Variants in WDR35 observed in about 807,000 individuals in gnomAD.
The protein encoded by WDR35 is WD repeat domain 35, also known as WD repeat-containing protein 35.
A neutral mutation model predicts 158.3 loss-of-function variants in WDR35; 118 were observed. The ratio of observed to expected loss-of-function variants is 0.75; its 90% CI spans 0.64 to 0.87. The LOEUF (loss-of-function observed/expected upper bound fraction) is 0.87, where lower values mean the gene tolerates loss of function less well. Among genes scored for constraint, WDR35 ranks in the 40% least tolerant of loss-of-function variants. The probability of loss-of-function intolerance (pLI) is 0.00; values close to 1 mark genes in which losing one functional copy is unlikely to be tolerated. For missense variants in WDR35, 1,263 were observed against 1,405.8 expected (o/e 0.90, Z 1.62); for synonymous variants, 448 against 476.1 (o/e 0.94, Z 0.77).
intron 22 of WDR35, 131 bp downstream of exon 22, chr2:19,933,270 A>T (rs978845491): frequency 1.3e-6 from 1 of 767,112 alleles, no homozygotes. Flanking sequence ...CTTTCATAAA[A>T]TTCACGTCAG....
intron 3 of WDR35, among the ~76,000 whole-genome samples, chr2:19,982,056 G>A (rs913454233): frequency 2.6e-5 from 4 of 152,104 alleles, no homozygotes; most frequent in Non-Finnish European, 4.4e-5. Flanking sequence ...ATGACTTTTC[G>A]GTGATGGGAA....
At chr2:19,975,497 G>C (rs1183773115) in intron 6 of WDR35, 33 bp downstream of exon 6, 1 of 1,596,002 alleles carries the variant, frequency 6.3e-7, no homozygotes, top group Non-Finnish European at 8.6e-7. Flanking sequence ...ATATAAAATT[G>C]TATAAACAAG....
chr2:19,940,172 G>C (rs1346833278), intron 17 of WDR35, among the ~76,000 whole-genome samples: 2 of 140,742 alleles, frequency 1.4e-5, no homozygotes, highest in African/African-American at 5.5e-5. Flanking sequence ...TGACCAACAT[G>C]GCAAACCCCA....
intron 11 of WDR35, among the ~76,000 whole-genome samples, chr2:19,958,755 T>A (rs1052751867): frequency 1.3e-5 from 2 of 152,242 alleles, no homozygotes; most frequent in East Asian, 3.9e-4. Flanking sequence ...GTAACCACAG[T>A]GCAGGTTAAG....
chr2:19,955,430 T>C (rs1184679082), intron 11 of WDR35, among the ~76,000 whole-genome samples: 2 of 152,246 alleles, frequency 1.3e-5, no homozygotes, highest in Admixed American at 6.5e-5. Context: ...GAGCTCCTAC[T>C]GTATATGCTT....
chr2:19,931,444 C>A, intron 23 of WDR35, 35 bp from the exon 24 acceptor site: 1 of 1,608,850 alleles, frequency 6.2e-7, no homozygotes, highest in Non-Finnish European at 8.5e-7. Context: ...GAAGTTACTT[C>A]TTATCTATAT....
chr2:19,923,197 G>A (rs1360240254), intron 25 of WDR35, among the ~76,000 whole-genome samples: 3 of 152,230 alleles, frequency 2.0e-5, no homozygotes, highest in Admixed American at 2.0e-4. Context: ...ATTTCTGTGT[G>A]TGTGTTTTTA....
intron 17 of WDR35, among the ~76,000 whole-genome samples, chr2:19,939,189 A>G (rs980606215): frequency 2.6e-5 from 4 of 152,216 alleles, no homozygotes; most frequent in African/African-American, 9.6e-5. Context: ...TTACGTAAGG[A>G]GAAAATGTAG....
intron 8 of WDR35, among the ~76,000 whole-genome samples, chr2:19,972,558 CT>C (rs540117749): frequency 2.8e-4 from 42 of 148,584 alleles, no homozygotes; most frequent in African/African-American, 4.2e-4. Context: ...GAAAACTATG[CT>C]TTTTTTTTTC....
chr2:19,964,751 T>C (rs1299377365), intron 10 of WDR35, among the ~76,000 whole-genome samples: 1 of 152,160 alleles, frequency 6.6e-6, no homozygotes, highest in East Asian at 1.9e-4. Flanking sequence ...CTTGTCCTTT[T>C]GCTTCACTTT....
intron 11 of WDR35, among the ~76,000 whole-genome samples, chr2:19,954,574 TCAA>T (rs540272055): frequency 1.1e-3 from 174 of 152,102 alleles, no homozygotes; most frequent in African/African-American, 4.0e-3. Context: ...AAAAAGATGA[TCAA>T]CAACATTAGC....
chr2:19,966,929 G>A lies in WDR35; in HGVS notation c.1009-20C>T. ...ACCCCACTAGGAAGAAAGGAAGGAG[G>A]AAAGGGAAGGAGATTGAAAGGGAGA... is the stretch of plus-strand genomic sequence containing the variant. On this transcript the variant is annotated intron_variant, in intron 9 of 26. Transcript: ENST00000281405. 1 of 1,609,920 alleles carries A rather than the reference G, an allele frequency of 6.2e-7. No homozygotes were observed. The highest frequency in any genetic ancestry group is 8.5e-7 in the Non-Finnish European group (1 of 1,176,806).
chr2:19,941,048 T>A, intron 17 of WDR35, among the ~76,000 whole-genome samples: 1 of 152,186 alleles, frequency 6.6e-6, no homozygotes, highest in East Asian at 1.9e-4. Flanking sequence ...GATTTACATA[T>A]CAAACCCAAA....
chr2:19,966,185 T>C (rs746352784), intron 10 of WDR35, among the ~76,000 whole-genome samples: 1 of 152,210 alleles, frequency 6.6e-6, no homozygotes, highest in Non-Finnish European at 1.5e-5. Context: ...GCCAAAGATA[T>C]TGGTAGTCCT....
chr2:19,976,271 A>T (rs1467302243), intron 5 of WDR35, among the ~76,000 whole-genome samples: 1 of 152,168 alleles, frequency 6.6e-6, no homozygotes. Context: ...ATTAACCCCA[A>T]GTTCCCCCTC....
Position 19,974,458 on chromosome 2 carries a change from A to G in WDR35, c.736+10T>C, listed in dbSNP as rs1558356046. ...ATTAAAAAAATTTTTTAAACAGAAA[A>G]ATTCCTTACTTTGGTCATTCTCATG... On this transcript the variant is annotated intron_variant, in intron 7 of 26. Transcript: ENST00000281405. The G allele has an allele frequency of 1.4e-5, 22 of 1,584,990 alleles. No homozygotes were observed. Among genetic ancestry groups the G allele is most frequent in the Non-Finnish European group, 1.9e-5 (22 of 1,168,984 alleles).
Position 19,978,852 on chromosome 2 carries a change from T to C in WDR35, c.335A>G (p.Asn112Ser). 3 of 1,613,832 alleles carry C rather than the reference T, an allele frequency of 1.9e-6. No individual in the cohort carries two copies. The highest frequency in any genetic ancestry group is 1.7e-4 in the Middle Eastern group (1 of 6,060). ...ACTGCGAACAACTGATTTATTTCGA[T>C]TGTTGATCATCTCCTCAATCCAAGA... ...KGSWIEEMIN[N>S]RNKSVVRSMS... The change falls in exon 5 of 27, where the codon AAT becomes AGT. Residue 112 changes from asparagine to serine, a missense_variant. By Grantham distance (46) the Asn-to-Ser change is conservative (BLOSUM62 1). Coordinates refer to ENST00000281405, the MANE Select transcript of WDR35 (RefSeq NM_020779.4).
At chr2:19,913,855 A>T (rs1205398855) in intron 26 of WDR35, 147 bp from the exon 27 acceptor site, 10 of 1,412,772 alleles carry the variant, frequency 7.1e-6, no homozygotes, top group African/African-American at 1.5e-5. Context: ...TCAAGAAAAA[A>T]CCTTTCTTAC....
At chr2:19,913,774 A>ACT in intron 26 of WDR35, 66 bp from the exon 27 acceptor site, 1 of 1,592,084 alleles carries the variant, frequency 6.3e-7, no homozygotes, top group Non-Finnish European at 8.6e-7. Context: ...TTTATTTAAT[A>ACT]CACTTAAAAA....
Sources: allele counts gnomAD v4.1 joint callset (sites outside exome capture counted in the v4.1 genomes callset), GRCh38; gene constraint gnomAD v4.1.1; transcripts MANE v1.5; gene names NCBI Gene and HGNC (gene_info 2026-07-23, HGNC 2026-07-21).